Variants in CPQ observed in about 807,000 individuals in gnomAD.
CPQ encodes the protein Ser-Met dipeptidase.
In CPQ, 37 loss-of-function variants were observed where a neutral mutation model predicts 45.7. The observed-to-expected ratio is 0.81, with a 90% CI of 0.62 to 1.07. CPQ has a LOEUF of 1.07. CPQ is among the 50% of genes least tolerant of loss of function. The probability of loss-of-function intolerance (pLI) is 0.00; values close to 1 mark genes in which losing one functional copy is unlikely to be tolerated. For missense variants in CPQ, 537 were observed against 572.9 expected (o/e 0.94, Z 0.64); for synonymous variants, 186 against 205.8 (o/e 0.90, Z 0.82).
chr8:96,718,979 G>T (rs1270788371), intron 1 of CPQ, among the ~76,000 whole-genome samples: 2 of 152,266 alleles, frequency 1.3e-5, no homozygotes, highest in East Asian at 1.9e-4. Context: ...TAGACATAAA[G>T]GTTCTCCATG....
chr8:96,826,496 G>A (rs980183491), intron 2 of CPQ, among the ~76,000 whole-genome samples: 1 of 151,842 alleles, frequency 6.6e-6, no homozygotes, highest in Non-Finnish European at 1.5e-5. Context: ...TATATCTGCC[G>A]ATTAGTAGTG....
rs1812200555 is a variant in CPQ, at chr8:97,143,391, G to C, written c.*208G>C. 3.9e-6 allele frequency: 2 copies of C among 517,484 alleles called. No individual in the cohort carries two copies. Among genetic ancestry groups the C allele is most frequent in the Non-Finnish European group, 6.9e-6 (2 of 290,206 alleles). The allele number at this position is 517,484 out of a possible 1,614,324, so 32.1% of individuals were successfully genotyped here. A position where few individuals can be genotyped will look rare whatever the true frequency, so the allele number is the denominator to read the frequency against. On this transcript the variant is annotated 3_prime_UTR_variant, in exon 8 of 8. Coordinates refer to ENST00000220763, the MANE Select transcript of CPQ (RefSeq NM_016134.4). ...ATTCTCCCCTCCCTCCCACCACATA[G>C]AATCAACATATGGTAGGGATTACAG...
At chr8:97,039,181 G>T (rs913711542) in intron 6 of CPQ, among the ~76,000 whole-genome samples, 4 of 152,146 alleles carry the variant, frequency 2.6e-5, no homozygotes, top group Non-Finnish European at 5.9e-5. Flanking sequence ...TTACCTTGTT[G>T]GAGGAAGAAG....
intron 7 of CPQ, among the ~76,000 whole-genome samples, chr8:97,119,950 A>C (rs1811669854): frequency 6.6e-6 from 1 of 152,214 alleles, no homozygotes; most frequent in Non-Finnish European, 1.5e-5. Context: ...GACAAGACAG[A>C]ACAGTAGTGG....
At chr8:96,797,888 A>T (rs1472388886) in intron 2 of CPQ, among the ~76,000 whole-genome samples, 1 of 151,970 alleles carries the variant, frequency 6.6e-6, no homozygotes, top group Non-Finnish European at 1.5e-5. Context: ...AGTCTCTACT[A>T]AAAATACAAA....
intron 4 of CPQ, among the ~76,000 whole-genome samples, chr8:96,942,001 C>A (rs1258367387): frequency 2.0e-5 from 3 of 152,146 alleles, no homozygotes; most frequent in Non-Finnish European, 4.4e-5. Flanking sequence ...TAGTGAATCT[C>A]TTTAATGGTA....
chr8:96,681,742 A>T (rs1004369804), intron 1 of CPQ, among the ~76,000 whole-genome samples: 2 of 152,216 alleles, frequency 1.3e-5, no homozygotes, highest in African/African-American at 4.8e-5. Flanking sequence ...ATGCCAGCCC[A>T]TGAAAGCAGC....
At chr8:97,082,118 G>A (rs905500118) in intron 7 of CPQ, among the ~76,000 whole-genome samples, 1 of 152,132 alleles carries the variant, frequency 6.6e-6, no homozygotes, top group South Asian at 2.1e-4. Flanking sequence ...AGCAAGCCAC[G>A]GAAGGATAGA....
chr8:96,881,993 G>A (rs1208908845), intron 4 of CPQ, among the ~76,000 whole-genome samples: 1 of 152,162 alleles, frequency 6.6e-6, no homozygotes, highest in Non-Finnish European at 1.5e-5. Flanking sequence ...TATTTTATTT[G>A]ACAGCATCAG....
intron 1 of CPQ, among the ~76,000 whole-genome samples, chr8:96,746,353 G>A (rs1229290881): frequency 6.6e-6 from 1 of 152,170 alleles, no homozygotes; most frequent in Non-Finnish European, 1.5e-5. Flanking sequence ...TTATTTTACA[G>A]ATGGTATTTA....
At chr8:96,787,284 G>T (rs1810781106) in intron 2 of CPQ, among the ~76,000 whole-genome samples, 2 of 151,888 alleles carry the variant, frequency 1.3e-5, no homozygotes, top group Admixed American at 6.6e-5. Flanking sequence ...TTTGAATGTG[G>T]TCATTCAGTT....
intron 1 of CPQ, among the ~76,000 whole-genome samples, chr8:96,698,201 A>G (rs987915211): frequency 2.0e-5 from 3 of 152,128 alleles, no homozygotes; most frequent in Non-Finnish European, 4.4e-5. Context: ...CTATACATCT[A>G]TGGTGAATTT....
chr8:97,082,679 C>T (rs1810970700), intron 7 of CPQ, among the ~76,000 whole-genome samples: 1 of 152,082 alleles, frequency 6.6e-6, no homozygotes, highest in South Asian at 2.1e-4. Context: ...CCCCTCTGGT[C>T]CAGTTTACTT....
chr8:96,866,866 G>C (rs1449692710), intron 3 of CPQ, among the ~76,000 whole-genome samples: 1 of 152,078 alleles, frequency 6.6e-6, no homozygotes, highest in Non-Finnish European at 1.5e-5. Context: ...CTTAGGCCTA[G>C]GCCTTAGGAA....
intron 5 of CPQ, among the ~76,000 whole-genome samples, chr8:96,999,817 G>A (rs1586487616): frequency 6.6e-6 from 1 of 152,162 alleles, no homozygotes; most frequent in East Asian, 1.9e-4. Flanking sequence ...TTGCCATGCT[G>A]TCTTCCACAA....
intron 4 of CPQ, among the ~76,000 whole-genome samples, chr8:96,959,945 G>C (rs193165917): frequency 6.9e-6 from 1 of 144,758 alleles, no homozygotes; most frequent in Admixed American, 6.9e-5. Context: ...TCTGGTTTTT[G>C]ATTGAGCAAG....
At chr8:96,657,636 A>G (rs984557025) in intron 1 of CPQ, among the ~76,000 whole-genome samples, 3 of 152,224 alleles carry the variant, frequency 2.0e-5, no homozygotes, top group African/African-American at 7.2e-5. Context: ...CAGAAAATTC[A>G]CATCCTCTTA....
intron 7 of CPQ, among the ~76,000 whole-genome samples, chr8:97,115,826 C>CT (rs1251026964): frequency 6.6e-6 from 1 of 152,024 alleles, no homozygotes; most frequent in African/African-American, 2.4e-5. Context: ...GCTTCACACA[C>CT]TAAAGAAATG....
intron 2 of CPQ, among the ~76,000 whole-genome samples, chr8:96,796,857 A>G (rs1810936797): frequency 1.3e-5 from 2 of 152,220 alleles, no homozygotes; most frequent in African/African-American, 4.8e-5. Flanking sequence ...AGAGCACTAG[A>G]TTGAGCTCAA....
Sources: allele counts gnomAD v4.1 joint callset (sites outside exome capture counted in the v4.1 genomes callset), GRCh38; gene constraint gnomAD v4.1.1; transcripts MANE v1.5; gene names NCBI Gene and HGNC (gene_info 2026-07-23, HGNC 2026-07-21).